Variants in CD164 observed in about 807,000 individuals in gnomAD.
CD164 encodes CD164 molecule.
A neutral mutation model predicts 24.6 loss-of-function variants in CD164; 11 were observed. The observed-to-expected ratio is 0.45, with a 90% CI of 0.28 to 0.74. The LOEUF (loss-of-function observed/expected upper bound fraction) is 0.74, where lower values mean the gene tolerates loss of function less well. Ranked by LOEUF, CD164 falls within the 30% of genes least tolerant of loss-of-function variation. The pLI, the probability that CD164 is intolerant of heterozygous loss-of-function variation, is 0.13. For missense variants in CD164, 295 were observed against 243.7 expected (o/e 1.21, Z -1.40); for synonymous variants, 126 against 100.3 (o/e 1.26, Z -1.53).
At chr6:109,380,469 C>T (rs1007472016) in intron 1 of CD164, 2 of 152,200 alleles carry the variant, frequency 1.3e-5, no homozygotes, top group African/African-American at 4.8e-5. Context: ...TTGCTTTGCT[C>T]CTGCCTAAAA....
In CD164 at chr6:109,376,127, A is replaced by C; in HGVS notation, c.332-15T>G. Reference sequence around the variant, plus strand: ...GGCCGTGGAAACTATTAAAAAAAGAAAAAAGAAAAACCATATACATCAAAG... The same window carrying C: ...GGCCGTGGAAACTATTAAAAAAAGACAAAAGAAAAACCATATACATCAAAG... On this transcript the variant is annotated splice_polypyrimidine_tract_variant and intron_variant, in intron 3 of 5. Coordinates refer to ENST00000310786, the MANE Select transcript of CD164 (RefSeq NM_006016.6). 1 of 1,555,768 alleles carries C rather than the reference A, an allele frequency of 6.4e-7. No homozygotes were observed. Among genetic ancestry groups the C allele is most frequent in the Non-Finnish European group, 8.6e-7 (1 of 1,160,660 alleles).
In CD164 at chr6:109,368,760, T is replaced by A; in HGVS notation, c.*91A>T. On this transcript the variant is annotated 3_prime_UTR_variant, in exon 6 of 6. Coordinates refer to ENST00000310786, the MANE Select transcript of CD164 (RefSeq NM_006016.6). ...GAAATTTAAAGATCCTGGAATAGCG[T>A]CTTCCATGTGGGACATCTTAAAAGA... The A allele has an allele frequency of 6.7e-7, 1 of 1,486,888 alleles. No homozygotes were observed. The highest frequency in any genetic ancestry group is 8.9e-7 in the Non-Finnish European group (1 of 1,122,818). The allele number at this position is 1,486,888 out of a possible 1,614,324, so 92.1% of individuals were successfully genotyped here.
At chr6:109,380,469 C>G (rs1007472016) in intron 1 of CD164, 1 of 152,200 alleles carries the variant, frequency 6.6e-6, no homozygotes, top group African/African-American at 2.4e-5. Context: ...TTGCTTTGCT[C>G]CTGCCTAAAA....
intron 4 of CD164, 183 bp from the exon 5 acceptor site, chr6:109,370,650 T>C (rs1771026873): frequency 1.9e-6 from 1 of 534,268 alleles, no homozygotes; most frequent in Non-Finnish European, 3.4e-6. Flanking sequence ...AGGATTTAAG[T>C]GTATTTTAAA....
Position 109,368,532 on chromosome 6 carries a change from C to A in CD164, c.*319G>T, listed in dbSNP as rs1430407341. 3.7e-6 allele frequency: 5 copies of A among 1,346,934 alleles called. No individual in the cohort carries two copies. Among genetic ancestry groups the A allele is most frequent in the African/African-American group, 1.5e-5 (1 of 66,060 alleles). 83.4% of individuals were successfully genotyped at this position (1,346,934 alleles called of 1,614,324 possible). ...CTGCCAAGAGCCATGATGTTGTCTG[C>A]ACAAGACAACATTTTCCATCACTTT... On this transcript the variant is annotated 3_prime_UTR_variant, in exon 6 of 6. Transcript: ENST00000310786.
In CD164 at chr6:109,369,375, G is replaced by C. The variant is rs1770957707; in HGVS notation, c.428-358C>G. The stretch of plus-strand genomic sequence containing the variant: ...TGTGAGTGTAAACGTCAATAGTGCT[G>C]AGAATTCACATGACTTTTGAATTTA... On this transcript the variant is annotated intron_variant, in intron 5 of 5. Transcript: ENST00000310786. Among the ~76,000 whole-genome samples the C allele has an allele frequency of 1.3e-5, 2 of 152,146 alleles. 1 individual carries two copies. The highest frequency in any genetic ancestry group is 4.1e-4 in the South Asian group (2 of 4,838).
At position 109,382,287 on chromosome 6, in the gene CD164, G is replaced by A. The variant is rs1325530132; in HGVS notation, c.92C>T (p.Pro31Leu). ...LSADKNTTQH[P>L]NVTTLAPISN... ...GATGGGCGCTAAAGTCGTCACGTTC[G>A]GGTGCTGGGTCGTGTTCTTGTCCGC... The change falls in exon 1 of 6, where the codon CCG becomes CTG. Residue 31 changes from proline (P) to leucine (L), a missense_variant. Physicochemically the swap from Pro to Leu is moderately conservative, Grantham distance 98 (BLOSUM62 -3). Coordinates refer to ENST00000310786, the MANE Select transcript of CD164 (RefSeq NM_006016.6). 1 of 1,586,086 alleles carries A rather than the reference G, an allele frequency of 6.3e-7. No individual in the cohort carries two copies. The highest frequency in any genetic ancestry group is 2.3e-5 in the East Asian group (1 of 43,474).
chr6:109,376,860 G>A (rs1005013870), intron 3 of CD164, among the ~76,000 whole-genome samples: 1 of 152,170 alleles, frequency 6.6e-6, no homozygotes, highest in Non-Finnish European at 1.5e-5. Flanking sequence ...TTTCAGCCAG[G>A]TCCAGTAGCT....
Position 109,382,408 on chromosome 6 carries a change from A to C in CD164, c.-30T>G, listed in dbSNP as rs781171207. 6.7e-7 allele frequency: 1 copy of C among 1,487,446 alleles called. No individual in the cohort carries two copies. The highest frequency in any genetic ancestry group is 2.7e-5 in the East Asian group (1 of 37,240). 92.1% of individuals were successfully genotyped at this position (1,487,446 alleles called of 1,614,324 possible). A position where few individuals can be genotyped will look rare whatever the true frequency, so the allele number is the denominator to read the frequency against. On this transcript the variant is annotated 5_prime_UTR_variant, in exon 1 of 6. Transcript: ENST00000310786. ...TCCTCAGCGCTGGCGTTCGGGAGAA[A>C]GCTAAGGCTCGCAACGCTCAGTCAA...
chr6:109,380,672 T>C (rs1771687259), intron 1 of CD164, among the ~76,000 whole-genome samples: 1 of 152,246 alleles, frequency 6.6e-6, no homozygotes, highest in South Asian at 2.1e-4. Context: ...AAATGTTCTT[T>C]ACAATGAACT....
intron 1 of CD164, chr6:109,381,708 A>G (rs1226852574): frequency 1.6e-6 from 1 of 633,436 alleles, no homozygotes; most frequent in African/African-American, 1.8e-5. Flanking sequence ...AACGAGCATT[A>G]CCGTCTTTAA....
chr6:109,370,298 A>G (rs1771005681), intron 5 of CD164, 113 bp downstream of exon 5: 1 of 814,622 alleles, frequency 1.2e-6, no homozygotes, highest in Non-Finnish European at 2.1e-6. Context: ...TAAGAGAAGA[A>G]TTTCAGTTCC....
intron 4 of CD164, chr6:109,372,661 T>C (rs1771147731): frequency 6.6e-6 from 1 of 152,206 alleles, no homozygotes; most frequent in Non-Finnish European, 1.5e-5. Flanking sequence ...GACTGGTCCT[T>C]ACACAGAATT....
At position 109,377,313 on chromosome 6, in the gene CD164, C is replaced by T. The variant is rs187860558; in HGVS notation, c.331+587G>A. ...GACACACTGCACAAAAATCTTTTTCCTATTCAATTATTATCTATGCATCAA... is the reference window on the plus strand; with the variant it reads ...GACACACTGCACAAAAATCTTTTTCTTATTCAATTATTATCTATGCATCAA... On this transcript the variant is annotated intron_variant, in intron 3 of 5. Coordinates refer to ENST00000310786, the MANE Select transcript of CD164 (RefSeq NM_006016.6). 2.6e-3 allele frequency among the ~76,000 whole-genome samples: 395 copies of T among 152,294 alleles called. 1 individual carries two copies. Among genetic ancestry groups the T allele is most frequent in the Non-Finnish European group, 4.2e-3 (283 of 68,032 alleles).
chr6:109,382,268 C>G lies in CD164; in HGVS notation c.111G>C (p.Ala37=), dbSNP rs1455077452. The G allele has an allele frequency of 6.3e-7, 1 of 1,589,942 alleles. No homozygotes were observed. The highest frequency in any genetic ancestry group is 8.5e-7 in the Non-Finnish European group (1 of 1,170,692). Residue 37 remains alanine (A), a synonymous_variant, in exon 1 of 6, where the codon GCG becomes GCC. Coordinates refer to ENST00000310786, the MANE Select transcript of CD164 (RefSeq NM_006016.6). ...GCGCCGAGGTTACGTTGGAGATGGG[C>G]GCTAAAGTCGTCACGTTCGGGTGCT... The part of the protein sequence containing the change: ...TTQHPNVTTL[A]PISNVTSAPV...
At chr6:109,380,810 CACT>C (rs1363633893) in intron 1 of CD164, among the ~76,000 whole-genome samples, 4 of 152,308 alleles carry the variant, frequency 2.6e-5, no homozygotes, top group East Asian at 1.9e-4. Flanking sequence ...CTTACACACA[CACT>C]ACAATTCTGA....
rs1432271784 is a variant in CD164, at chr6:109,368,410, C to T, written c.*441G>A. 3 of 1,426,706 alleles carry T rather than the reference C, an allele frequency of 2.1e-6. No individual in the cohort carries two copies. Among genetic ancestry groups the T allele is most frequent in the Non-Finnish European group, 2.8e-6 (3 of 1,090,216 alleles). The allele number at this position is 1,426,706 out of a possible 1,614,324, so 88.4% of individuals were successfully genotyped here. Reference sequence around the variant, plus strand: ...GTACTACTAAATTAATAAATTTATTCCACTTTTGAAATGACAGCCAAAAAT... The same window carrying T: ...GTACTACTAAATTAATAAATTTATTTCACTTTTGAAATGACAGCCAAAAAT... On this transcript the variant is annotated 3_prime_UTR_variant, in exon 6 of 6. Transcript: ENST00000310786.
chr6:109,368,538 A>T lies in CD164; in HGVS notation c.*313T>A. 2.2e-6 allele frequency: 3 copies of T among 1,342,604 alleles called. No homozygotes were observed. Among genetic ancestry groups the T allele is most frequent in the Non-Finnish European group, 2.8e-6 (3 of 1,053,018 alleles). 83.2% of individuals were successfully genotyped at this position (1,342,604 alleles called of 1,614,324 possible). ...AGAGCCATGATGTTGTCTGCACAAGACAACATTTTCCATCACTTTCAGAAA... is the reference window on the plus strand; with the variant it reads ...AGAGCCATGATGTTGTCTGCACAAGTCAACATTTTCCATCACTTTCAGAAA... On this transcript the variant is annotated 3_prime_UTR_variant, in exon 6 of 6. Coordinates refer to ENST00000310786, the MANE Select transcript of CD164 (RefSeq NM_006016.6).
intron 3 of CD164, among the ~76,000 whole-genome samples, chr6:109,377,377 T>G (rs1582484584): frequency 6.6e-6 from 1 of 152,288 alleles, no homozygotes; most frequent in East Asian, 1.9e-4. Flanking sequence ...ACAATCTCAT[T>G]GGAAAAATCA....
Sources: allele counts gnomAD v4.1 joint callset (sites outside exome capture counted in the v4.1 genomes callset), GRCh38; gene constraint gnomAD v4.1.1; transcripts MANE v1.5; gene names NCBI Gene and HGNC (gene_info 2026-07-23, HGNC 2026-07-21).